NBPF12: variants seen among roughly 807,000 people sequenced by gnomAD.
The protein encoded by NBPF12 is NBPF family member NBPF12.
A neutral mutation model predicts 146.4 loss-of-function variants in NBPF12; 115 were observed. The ratio of observed to expected loss-of-function variants is 0.79; its 90% CI spans 0.68 to 0.92. The LOEUF is 0.92. Ranked by LOEUF, NBPF12 falls within the 40% of genes least tolerant of loss-of-function variation. The pLI is 0.00. For missense variants in NBPF12, 1,205 were observed against 1,326.8 expected, an observed-to-expected ratio of 0.91 and a Z score of 1.43; for synonymous variants, 385 against 508.9, an observed-to-expected ratio of 0.76 and a Z score of 3.28.
At chr1:146,951,230 A>C (rs1224404106) in intron 1 of NBPF12, 118 bp from the exon 5 acceptor site, 2 of 649,928 alleles carry the variant, frequency 3.1e-6, no homozygotes, top group Admixed American at 4.7e-5. Flanking sequence ...CTCTCAGGCC[A>C]CACAGGGCAC....
At chr1:146,949,559 G>A (rs1484434177) in intron 1 of NBPF12, 137 bp downstream of exon 4, 24 of 126,086 alleles carry the variant, frequency 1.9e-4, no homozygotes, top group Non-Finnish European at 3.6e-4. Flanking sequence ...GTTTTCTCTC[G>A]CTGCCTATTA....
intron 2 of NBPF12, among the ~76,000 whole-genome samples, chr1:146,958,622 AT>A (rs1428201245): frequency 3.0e-5 from 1 of 33,430 alleles, no homozygotes; most frequent in Admixed American, 3.7e-4. Flanking sequence ...ACAGCAAAAA[AT>A]ATGTATGTAT....
At chr1:146,982,677 A>G (rs1371712421) in intron 19 of NBPF12, among the ~76,000 whole-genome samples, 2,609 of 149,954 alleles carry the variant, frequency 0.017, 28 homozygotes, top group Non-Finnish European at 0.023. Context: ...TTACAGGGAG[A>G]GTCTGGGTGC....
exon 34 of NBPF12, chr1:146,994,658 A>C: frequency 6.4e-7 from 1 of 1,572,690 alleles, no homozygotes; most frequent in Non-Finnish European, 8.6e-7. Flanking sequence ...CTATAGTTCC[A>C]TTTGGAAGCC....
chr1:146,961,907 T>G (rs1278178693), intron 4 of NBPF12, among the ~76,000 whole-genome samples: 1 of 152,126 alleles, frequency 6.6e-6, no homozygotes, highest in South Asian at 2.1e-4. Context: ...CTGACTCCAC[T>G]TCGTGGTGGT....
chr1:146,966,616 G>A (rs1387757672), exon 9 of NBPF12: 12 of 1,505,644 alleles, frequency 8.0e-6, no homozygotes, highest in South Asian at 4.5e-5. Flanking sequence ...AAGCCTCAAA[G>A]AGAAATGTTT....
chr1:146,986,573 TA>T lies in NBPF12; in HGVS notation c.3064+50del, dbSNP rs1657777603. 2.1e-5 allele frequency: 19 copies of T among 903,652 alleles called. No individual in the cohort carries two copies. In the South Asian group the frequency reaches 2.3e-4, roughly 11 times the overall value. 56.0% of individuals were successfully genotyped at this position (903,652 alleles called of 1,614,324 possible). Reference sequence around the variant, plus strand: ...ATAAGCCTCCACCTGGCCTTCCAGATAGGGGTGATATTCCTGTTCCAAGTGG... The same window carrying T: ...ATAAGCCTCCACCTGGCCTTCCAGATGGGGTGATATTCCTGTTCCAAGTGG... On this transcript the variant is annotated intron_variant, in intron 24 of 33. Transcript: ENST00000617844.
chr1:146,941,576 A>G (rs1654805315), intron 1 of NBPF12, among the ~76,000 whole-genome samples: 1 of 142,106 alleles, frequency 7.0e-6, no homozygotes, highest in Admixed American at 7.0e-5. Context: ...CAACATGGTG[A>G]AACCCCGTCT....
At position 146,966,711 on chromosome 1, in the gene NBPF12, C is replaced by A. The variant is rs1408317784; in HGVS notation, c.988+38C>A. 8.2e-6 allele frequency: 9 copies of A among 1,103,848 alleles called. 1 individual carries two copies. The African/African-American group carries it at 1.2e-4, about 15-fold the overall frequency. The allele number at this position is 1,103,848 out of a possible 1,614,324, so 68.4% of individuals were successfully genotyped here. ...GGCTCACCATCACGAAAGTGATGAA[C>A]AACGTCCTGTCTTCTCTCTGAGAAA... is the stretch of plus-strand genomic sequence containing the variant. On this transcript the variant is annotated intron_variant, in intron 9 of 33. Transcript: ENST00000617844.
At chr1:146,989,346 G>C (rs1164376838) in intron 27 of NBPF12, among the ~76,000 whole-genome samples, 1 of 138,460 alleles carries the variant, frequency 7.2e-6, no homozygotes, top group East Asian at 2.1e-4. Flanking sequence ...CTCTGTCTCT[G>C]TCTCTGTCTC....
intron 11 of NBPF12, 128 bp from the exon 15 acceptor site, chr1:146,970,519 T>C (rs1420781451): frequency 3.9e-6 from 5 of 1,293,946 alleles, no homozygotes; most frequent in African/African-American, 1.5e-5. Context: ...TTGTGAAAGA[T>C]AAAACATGAG....
intron 2 of NBPF12, among the ~76,000 whole-genome samples, chr1:146,958,238 C>T (rs1655695308): frequency 8.4e-6 from 1 of 119,388 alleles, no homozygotes; most frequent in Non-Finnish European, 1.8e-5. Context: ...CATGCTCGCA[C>T]CGCCGCTTCT....
intron 4 of NBPF12, among the ~76,000 whole-genome samples, chr1:146,961,619 G>A (rs1655856226): frequency 6.6e-6 from 1 of 151,308 alleles, no homozygotes; most frequent in African/African-American, 2.5e-5. Context: ...TTTCCTTCAT[G>A]GCCTTATTTT....
chr1:146,969,264 G>A, intron 10 of NBPF12, 118 bp from the exon 14 acceptor site: 12 of 953,174 alleles, frequency 1.3e-5, no homozygotes, highest in Non-Finnish European at 2.0e-5. Flanking sequence ...TTCAACATGT[G>A]CTGACCTTCT....
intron 8 of NBPF12, among the ~76,000 whole-genome samples, 200 bp downstream of exon 11, chr1:146,965,304 A>G (rs1417630573): frequency 0.027 from 4,137 of 150,770 alleles, 119 homozygotes; most frequent in African/African-American, 0.095. Context: ...GTTGAAGACC[A>G]GCCTGGAGTA....
intron 7 of NBPF12, among the ~76,000 whole-genome samples, chr1:146,964,675 G>A (rs1308080625): frequency 6.6e-6 from 1 of 151,930 alleles, no homozygotes. Flanking sequence ...TCTGTCCAGT[G>A]CACTGAACAC....
upstream of NBPF12, among the ~76,000 whole-genome samples, chr1:146,945,026 T>G (rs1197263081): frequency 7.6e-3 from 96 of 12,604 alleles, no homozygotes; most frequent in Admixed American, 0.012. Context: ...CTCCCTCCCT[T>G]CCTTCCTCCC....
rs1457766387 is a variant in NBPF12, at chr1:146,960,367, C to T, written c.175+49C>T. Reference sequence around the variant, plus strand: ...ATGAAAGTGATGAATGATGTCCTGTCTTCTCTCTGAGACACTAAATGCTCT... The same window carrying T: ...ATGAAAGTGATGAATGATGTCCTGTTTTCTCTCTGAGACACTAAATGCTCT... On this transcript the variant is annotated intron_variant, in intron 4 of 33. Coordinates refer to ENST00000617844, the Ensembl canonical transcript of NBPF12. The T allele has an allele frequency of 1.3e-5, 19 of 1,463,862 alleles. No individual in the cohort carries two copies. In the East Asian group the frequency reaches 3.6e-4, roughly 28 times the overall value. 90.7% of individuals were successfully genotyped at this position (1,463,862 alleles called of 1,614,324 possible).
chr1:146,978,164 T>G (rs1375818089), intron 18 of NBPF12, among the ~76,000 whole-genome samples: 22,204 of 151,014 alleles, frequency 0.15, 1,970 homozygotes, highest in Middle Eastern at 0.24. Context: ...TTTTCTTCTT[T>G]ACTTTGCTGA....
Sources: gnomAD v4.1 joint callset for allele counts (sites outside exome capture counted in the v4.1 genomes callset) on GRCh38, gnomAD v4.1.1 for gene constraint, MANE v1.5 for transcripts, NCBI Gene and HGNC (gene_info 2026-07-23, HGNC 2026-07-21) for gene names.